Variants in PACRG observed in about 807,000 individuals in gnomAD.
PACRG encodes the protein parkin coregulated gene protein.
PACRG carries 29 observed loss-of-function variants against 29.7 expected under a neutral mutation model. That is an observed-to-expected ratio of 0.98 (90% CI 0.73 to 1.33). The LOEUF (loss-of-function observed/expected upper bound fraction) is 1.33, where lower values mean the gene tolerates loss of function less well. Ranked by LOEUF, PACRG falls within the 40% of genes most tolerant of loss-of-function variation. The probability of loss-of-function intolerance (pLI) is 0.00; values close to 1 mark genes in which losing one functional copy is unlikely to be tolerated. For synonymous variants in PACRG, 116 were observed against 118.7 expected, an observed-to-expected ratio of 0.98 and a Z score of 0.15; for missense variants, 279 against 316.2, an observed-to-expected ratio of 0.88 and a Z score of 0.89.
chr6:162,988,691 T>G (rs963896176), intron 2 of PACRG, among the ~76,000 whole-genome samples: 1 of 152,210 alleles, frequency 6.6e-6, no homozygotes, highest in African/African-American at 2.4e-5. Context: ...AACAGTTTTA[T>G]GTGCAGCATA....
At chr6:162,880,288 G>A (rs1056035855) in intron 2 of PACRG, among the ~76,000 whole-genome samples, 1 of 152,094 alleles carries the variant, frequency 6.6e-6, no homozygotes, top group South Asian at 2.1e-4. Flanking sequence ...GCTTACTTGG[G>A]AATTTGTGGA....
chr6:163,235,537 G>A (rs1336096731), intron 4 of PACRG, among the ~76,000 whole-genome samples: 5 of 152,130 alleles, frequency 3.3e-5, no homozygotes, highest in Non-Finnish European at 7.4e-5. Context: ...CTTCTCCTTG[G>A]AGAAGGGGTT....
At position 163,226,745 on chromosome 6, in the gene PACRG, G is replaced by A. The variant is rs1280907139; in HGVS notation, c.614-88082G>A. On this transcript the variant is annotated intron_variant, in intron 4 of 4. Transcript: ENST00000366888. ...TCGGTGGCTCACATCCCAGTGCCTGGGGAGAACCTGTTCTCTAGGAGGGTT... is the reference window on the plus strand; with the variant it reads ...TCGGTGGCTCACATCCCAGTGCCTGAGGAGAACCTGTTCTCTAGGAGGGTT... Among the ~76,000 whole-genome samples, 3 of 152,338 alleles carry A rather than the reference G, an allele frequency of 2.0e-5. No homozygotes were observed. The East Asian group carries it at 5.8e-4, about 29-fold the overall frequency.
chr6:162,965,719 A>T (rs1411209502), intron 2 of PACRG, among the ~76,000 whole-genome samples: 1 of 152,246 alleles, frequency 6.6e-6, no homozygotes, highest in African/African-American at 2.4e-5. Flanking sequence ...GATTATAGTG[A>T]TGCTTTAGAA....
rs559197411 is a variant in PACRG, at chr6:163,184,007, C to T, written c.613+94599C>T. On this transcript the variant is annotated intron_variant, in intron 4 of 4. Transcript: ENST00000366888. Reference sequence around the variant, plus strand: ...GTATTTTGGCTGTACTGGAGCACATCGAAAGGAATGAGATTTAGCTTTGCC... The same window carrying T: ...GTATTTTGGCTGTACTGGAGCACATTGAAAGGAATGAGATTTAGCTTTGCC... 5.9e-5 allele frequency among the ~76,000 whole-genome samples: 9 copies of T among 152,254 alleles called. No individual in the cohort carries two copies. The East Asian group carries it at 1.4e-3, about 23-fold the overall frequency.
chr6:162,909,576 AT>A (rs1403366155), intron 2 of PACRG, among the ~76,000 whole-genome samples: 1 of 150,870 alleles, frequency 6.6e-6, no homozygotes, highest in African/African-American at 2.4e-5. Flanking sequence ...AAAAAAAAAA[AT>A]CATCCTTAAG....
chr6:162,790,271 G>A (rs1014003733), intron 1 of PACRG, among the ~76,000 whole-genome samples: 1 of 152,110 alleles, frequency 6.6e-6, no homozygotes, highest in Non-Finnish European at 1.5e-5. Context: ...TAATTTCAAA[G>A]CCAAATAATT....
At chr6:163,141,712 A>C (rs1341298623) in intron 4 of PACRG, among the ~76,000 whole-genome samples, 1 of 152,156 alleles carries the variant, frequency 6.6e-6, no homozygotes, top group Admixed American at 6.5e-5. Context: ...TCGTAGGATA[A>C]GAAGAAGCAA....
intron 2 of PACRG, among the ~76,000 whole-genome samples, chr6:163,056,695 C>G (rs1408760628): frequency 3.3e-5 from 5 of 152,074 alleles, no homozygotes; most frequent in South Asian, 4.1e-4. Context: ...AGTAGGTGCT[C>G]TTATACGAGG....
At chr6:163,164,792 C>A (rs1253406254) in intron 4 of PACRG, among the ~76,000 whole-genome samples, 2 of 152,078 alleles carry the variant, frequency 1.3e-5, no homozygotes, top group African/African-American at 4.8e-5. Context: ...GATTTAAATC[C>A]CAGTTAGTAG....
intron 2 of PACRG, among the ~76,000 whole-genome samples, chr6:163,023,238 C>G (rs1351757752): frequency 6.6e-6 from 1 of 152,192 alleles, no homozygotes; most frequent in Non-Finnish European, 1.5e-5. Flanking sequence ...CTTCCACCCT[C>G]CAGTAGTCCT....
chr6:162,844,693 T>C (rs1248384729), intron 2 of PACRG, among the ~76,000 whole-genome samples: 2 of 152,230 alleles, frequency 1.3e-5, no homozygotes, highest in Non-Finnish European at 2.9e-5. Context: ...CATTCCCTTT[T>C]GTTGAATGTA....
At position 163,231,933 on chromosome 6, in the gene PACRG, G is replaced by A. The variant is rs1383965377; in HGVS notation, c.614-82894G>A. 2.0e-5 allele frequency among the ~76,000 whole-genome samples: 3 copies of A among 152,220 alleles called. No individual in the cohort carries two copies. The East Asian group carries it at 5.8e-4, about 29-fold the overall frequency. Reference sequence around the variant, plus strand: ...CCCGGCTTCACTCTCAGCTGGAGCTGGCACTACGTTGGTATTTATGTAATG... The same window carrying A: ...CCCGGCTTCACTCTCAGCTGGAGCTAGCACTACGTTGGTATTTATGTAATG... On this transcript the variant is annotated intron_variant, in intron 4 of 4. Transcript: ENST00000366888.
At chr6:163,163,562 G>A (rs897435741) in intron 4 of PACRG, among the ~76,000 whole-genome samples, 1 of 152,190 alleles carries the variant, frequency 6.6e-6, no homozygotes, top group Non-Finnish European at 1.5e-5. Context: ...GTGAGCCACC[G>A]TACCCGGCCT....
chr6:162,963,176 G>A (rs951794860), intron 2 of PACRG, among the ~76,000 whole-genome samples: 1 of 152,162 alleles, frequency 6.6e-6, no homozygotes, highest in African/African-American at 2.4e-5. Context: ...TGTTTGGGCA[G>A]GTGAAGGCAG....
chr6:163,273,700 T>G (rs2128181143), intron 4 of PACRG, among the ~76,000 whole-genome samples: 1 of 152,292 alleles, frequency 6.6e-6, no homozygotes, highest in South Asian at 2.1e-4. Context: ...GTTTGCAAGT[T>G]CTCCATTTTT....
Position 162,878,895 on chromosome 6 carries a change from G to A in PACRG, c.291+64614G>A, listed in dbSNP as rs147659234. On this transcript the variant is annotated intron_variant, in intron 2 of 4. Transcript: ENST00000366888. The stretch of plus-strand genomic sequence containing the variant: ...GTTTAAAGATGTCTTGCTTTTCTTA[G>A]TTTATCTTCTAGAAATATTATTGCT... Among the ~76,000 whole-genome samples, 734 of 152,216 alleles carry A rather than the reference G, an allele frequency of 4.8e-3. 11 individuals carry two copies. Among genetic ancestry groups the A allele is most frequent in the African/African-American group, 0.017 (702 of 41,540 alleles).
At chr6:163,155,693 A>G (rs1294486388) in intron 4 of PACRG, among the ~76,000 whole-genome samples, 2 of 152,246 alleles carry the variant, frequency 1.3e-5, no homozygotes, top group Admixed American at 6.5e-5. Flanking sequence ...ATTCATTTTC[A>G]GTATCACTAT....
At chr6:163,149,419 G>A (rs944074862) in intron 4 of PACRG, among the ~76,000 whole-genome samples, 1 of 152,176 alleles carries the variant, frequency 6.6e-6, no homozygotes, top group Non-Finnish European at 1.5e-5. Flanking sequence ...ACGTCTATGT[G>A]CGGCCTCGCC....
Sources: gnomAD v4.1 joint callset for allele counts (sites outside exome capture counted in the v4.1 genomes callset) on GRCh38, gnomAD v4.1.1 for gene constraint, MANE v1.5 for transcripts, NCBI Gene and HGNC (gene_info 2026-07-23, HGNC 2026-07-21) for gene names.